FLT3: variants seen among roughly 807,000 people sequenced by gnomAD.
FLT3 encodes receptor-type tyrosine-protein kinase FLT3.
In FLT3, 46 loss-of-function variants were observed where a neutral mutation model predicts 126.6. The ratio of observed to expected loss-of-function variants is 0.36; its 90% CI spans 0.29 to 0.46. FLT3 has a LOEUF of 0.46. Ranked by LOEUF, FLT3 falls within the 20% of genes least tolerant of loss-of-function variation. FLT3 has a pLI of 1.00. For synonymous variants in FLT3, 404 were observed against 434.4 expected (o/e 0.93, Z 0.87); for missense variants, 1,069 against 1,190.3 (o/e 0.90, Z 1.50).
chr13:28,090,036 C>A (rs1878931545), intron 1 of FLT3, among the ~76,000 whole-genome samples: 2 of 151,582 alleles, frequency 1.3e-5, no homozygotes, highest in African/African-American at 2.4e-5. Flanking sequence ...CTACTGCGCC[C>A]CGCCGTGAGG....
At chr13:28,034,433 G>C in intron 12 of FLT3, 26 bp from the exon 13 acceptor site, 1 of 1,480,976 alleles carries the variant, frequency 6.8e-7, no homozygotes, top group Non-Finnish European at 9.4e-7. Flanking sequence ...GTCACTCAGC[G>C]ATGAAACAGA....
rs146671335 is a variant in FLT3, at chr13:28,093,302, G to A, written c.43+7166C>T. 3.4e-4 allele frequency among the ~76,000 whole-genome samples: 52 copies of A among 151,438 alleles called. No homozygotes were observed. The East Asian group carries it at 0.01, about 29-fold the overall frequency. The stretch of plus-strand genomic sequence containing the variant: ...GACTTGAACTCTTGGGCTCAAGCGA[G>A]CCTCCCATGTAGCTGGGACTACAGG... On this transcript the variant is annotated intron_variant, in intron 1 of 23. Transcript: ENST00000241453.
intron 4 of FLT3, among the ~76,000 whole-genome samples, chr13:28,055,921 C>T (rs1454367898): frequency 6.6e-6 from 1 of 152,152 alleles, no homozygotes; most frequent in Admixed American, 6.5e-5. Context: ...ACATGACCGA[C>T]ATTAAAGAGC....
At chr13:28,016,623 A>T (rs1419543597) in intron 20 of FLT3, among the ~76,000 whole-genome samples, 1 of 152,228 alleles carries the variant, frequency 6.6e-6, no homozygotes, top group Non-Finnish European at 1.5e-5. Context: ...ATGTTTAATC[A>T]GCACATGCTT....
intron 1 of FLT3, among the ~76,000 whole-genome samples, chr13:28,079,271 A>G (rs1878165772): frequency 6.6e-6 from 1 of 152,156 alleles, no homozygotes; most frequent in South Asian, 2.1e-4. Flanking sequence ...CCAGTTCCCA[A>G]CAAGTTCCTC....
chr13:28,047,013 T>G (rs1377852861), intron 9 of FLT3, among the ~76,000 whole-genome samples: 1 of 152,068 alleles, frequency 6.6e-6, no homozygotes, highest in Non-Finnish European at 1.5e-5. Flanking sequence ...CACTTCAAGC[T>G]CTCAATAGCC....
intron 5 of FLT3, among the ~76,000 whole-genome samples, chr13:28,050,994 A>G (rs947452249): frequency 6.6e-6 from 1 of 152,216 alleles, no homozygotes; most frequent in Admixed American, 6.5e-5. Flanking sequence ...TGCTTTACAT[A>G]TATCAATTCA....
intron 19 of FLT3, among the ~76,000 whole-genome samples, chr13:28,019,201 A>G (rs2065756638): frequency 6.6e-6 from 1 of 152,130 alleles, no homozygotes; most frequent in South Asian, 2.1e-4. Flanking sequence ...TCCTGACCTC[A>G]GGTGATCCAC....
At chr13:28,094,466 A>G (rs938661786) in intron 1 of FLT3, among the ~76,000 whole-genome samples, 1 of 152,144 alleles carries the variant, frequency 6.6e-6, no homozygotes, top group African/African-American at 2.4e-5. Flanking sequence ...TGGCCACAAA[A>G]GAACACTGTG....
intron 12 of FLT3, 151 bp downstream of exon 12, chr13:28,035,344 C>T (rs1025182350): frequency 1.5e-6 from 1 of 686,964 alleles, no homozygotes; most frequent in Non-Finnish European, 2.4e-6. Context: ...GAAACAGTCT[C>T]TCTGGGGATT....
intron 1 of FLT3, among the ~76,000 whole-genome samples, chr13:28,095,424 C>A (rs973844919): frequency 6.6e-6 from 1 of 152,080 alleles, no homozygotes; most frequent in African/African-American, 2.4e-5. Flanking sequence ...TACAGGCGTG[C>A]GCCACCACAC....
At chr13:28,045,854 CAA>C (rs11356393) in intron 9 of FLT3, among the ~76,000 whole-genome samples, 164 of 125,748 alleles carry the variant, frequency 1.3e-3, no homozygotes, top group Admixed American at 1.6e-3. Flanking sequence ...GACTCTGTCT[CAA>C]AAAAAAAAAA....
rs1012253176 is a variant in FLT3, at chr13:28,077,695, C to T, written c.44-7083G>A. Among the ~76,000 whole-genome samples the T allele has an allele frequency of 1.2e-4, 19 of 152,272 alleles. 1 individual carries two copies. The highest frequency in any genetic ancestry group is 5.9e-5 in the Non-Finnish European group (4 of 68,030). Reference sequence around the variant, plus strand: ...CAATCATGCCTTCCCAACAGTCCCCCGTAGTCTTAACTCATTTCAGCCTTA... The same window carrying T: ...CAATCATGCCTTCCCAACAGTCCCCTGTAGTCTTAACTCATTTCAGCCTTA... On this transcript the variant is annotated intron_variant, in intron 1 of 23. Transcript: ENST00000241453.
intron 23 of FLT3, among the ~76,000 whole-genome samples, chr13:28,005,424 T>C (rs1490352595): frequency 6.6e-6 from 1 of 152,252 alleles, no homozygotes; most frequent in Non-Finnish European, 1.5e-5. Context: ...GCTCAGGCTA[T>C]ATATTCTATT....
At chr13:28,060,287 T>C (rs966866131) in intron 3 of FLT3, among the ~76,000 whole-genome samples, 1 of 146,958 alleles carries the variant, frequency 6.8e-6, no homozygotes, top group Non-Finnish European at 1.5e-5. Context: ...CCAGGAATGG[T>C]GGTGGGTGCT....
chr13:28,062,145 T>C (rs1467743586), intron 2 of FLT3, 76 bp from the exon 3 acceptor site: 6 of 1,077,222 alleles, frequency 5.6e-6, no homozygotes, highest in Admixed American at 3.8e-5. Flanking sequence ...ATCAAAACTT[T>C]ATCAAACATA....
intron 9 of FLT3, among the ~76,000 whole-genome samples, chr13:28,046,973 A>G (rs1318849186): frequency 6.6e-6 from 1 of 152,104 alleles, no homozygotes; most frequent in Non-Finnish European, 1.5e-5. Flanking sequence ...GTATTTTACA[A>G]TTAGAGTACA....
At chr13:28,023,224 C>A in intron 19 of FLT3, 126 bp downstream of exon 19, 1 of 967,020 alleles carries the variant, frequency 1.0e-6, no homozygotes, top group East Asian at 2.6e-5. Flanking sequence ...CTAGGTGACT[C>A]CAACAGTGAA....
intron 9 of FLT3, among the ~76,000 whole-genome samples, chr13:28,041,822 G>A (rs532174071): frequency 2.6e-4 from 39 of 152,274 alleles, no homozygotes; most frequent in African/African-American, 9.1e-4. Flanking sequence ...ACAATACCTC[G>A]GTGTCTAAGA....
Sources: gnomAD v4.1 joint callset for allele counts (sites outside exome capture counted in the v4.1 genomes callset) on GRCh38, gnomAD v4.1.1 for gene constraint, MANE v1.5 for transcripts, NCBI Gene and HGNC (gene_info 2026-07-23, HGNC 2026-07-21) for gene names.